ARHGEF10: variants seen among roughly 807,000 people sequenced by gnomAD.
ARHGEF10 encodes Rho guanine nucleotide exchange factor 10.
Under a neutral mutation model 147.4 loss-of-function variants are expected in ARHGEF10, and 140 were observed. That is an observed-to-expected ratio of 0.95 (90% CI 0.83 to 1.09). The LOEUF (loss-of-function observed/expected upper bound fraction) is 1.09. ARHGEF10 is among the 50% of genes least tolerant of loss of function. ARHGEF10 has a pLI of 0.00. For missense variants in ARHGEF10, 2,222 were observed against 1,752.7 expected, an observed-to-expected ratio of 1.27 and a Z score of -4.78; for synonymous variants, 902 against 695.8, an observed-to-expected ratio of 1.30 and a Z score of -4.67.
intron 6 of ARHGEF10, among the ~76,000 whole-genome samples, chr8:1,868,671 G>C (rs918095453): frequency 6.6e-6 from 1 of 152,182 alleles, no homozygotes; most frequent in Non-Finnish European, 1.5e-5. Flanking sequence ...TTTACTTTCA[G>C]TGGCACAAAA....
rs376196351 is a variant in ARHGEF10 at position 1,886,748 on chromosome 8, C to A, written c.1182+1041C>A. On this transcript the variant is annotated intron_variant, in intron 11 of 28. Coordinates refer to ENST00000349830, the MANE Select transcript of ARHGEF10 (RefSeq NM_014629.4). Reference sequence around the variant, plus strand: ...TCATCCTTGCAAATCCCGTTGCCATCCTTGTGTACTCTGTAAGGAAGCCTG... The same window carrying A: ...TCATCCTTGCAAATCCCGTTGCCATACTTGTGTACTCTGTAAGGAAGCCTG... Among the ~76,000 whole-genome samples the A allele has an allele frequency of 9.8e-5, 15 of 152,310 alleles. No homozygotes were observed. In the South Asian group the frequency reaches 1.9e-3, roughly 19 times the overall value.
chr8:1,954,082 G>A (rs975919036), intron 28 of ARHGEF10, among the ~76,000 whole-genome samples: 8 of 152,144 alleles, frequency 5.3e-5, no homozygotes, highest in South Asian at 2.1e-4. Context: ...AACAAAATGC[G>A]AAATGCTCCA....
chr8:1,839,047 G>C (rs956385304), intron 1 of ARHGEF10, among the ~76,000 whole-genome samples: 6 of 152,294 alleles, frequency 3.9e-5, no homozygotes, highest in African/African-American at 1.4e-4. Flanking sequence ...AAGCTGTCTG[G>C]TGTGGAAGCT....
At chr8:1,874,671 G>A (rs1229578185) in intron 7 of ARHGEF10, among the ~76,000 whole-genome samples, 1 of 151,726 alleles carries the variant, frequency 6.6e-6, no homozygotes, top group Admixed American at 6.6e-5. Context: ...GGTGTGTAGG[G>A]GGTAGAGGTT....
intron 19 of ARHGEF10, 47 bp from the exon 20 acceptor site, chr8:1,923,421 C>G (rs749830681): frequency 6.2e-7 from 1 of 1,613,496 alleles, no homozygotes; most frequent in Non-Finnish European, 8.5e-7. Context: ...TGGGATGGCC[C>G]TAGTTTTTAA....
At chr8:1,903,189 T>A (rs752823192) in intron 15 of ARHGEF10, 92 bp from the exon 16 acceptor site, 60 of 1,496,540 alleles carry the variant, frequency 4.0e-5, no homozygotes, top group Non-Finnish European at 5.6e-5. Flanking sequence ...TGCCACTGCC[T>A]CCTTTCCATT....
At chr8:1,950,334 C>T (rs544930090) in intron 27 of ARHGEF10, among the ~76,000 whole-genome samples, 45 of 152,252 alleles carry the variant, frequency 3.0e-4, no homozygotes, top group African/African-American at 1.1e-3. Flanking sequence ...GGAAAATGAC[C>T]GCATGACCTC....
intron 1 of ARHGEF10, among the ~76,000 whole-genome samples, chr8:1,841,980 G>GCGGGAACTGGGGCCGCGA (rs1804110853): frequency 1.3e-4 from 6 of 46,692 alleles, no homozygotes; most frequent in Non-Finnish European, 2.7e-4. Context: ...TGGGGCCGCG[G>GCGGGAACTGGGGCCGCGA]CGGGAACTGG....
chr8:1,913,341 A>G (rs1811519114), intron 18 of ARHGEF10, among the ~76,000 whole-genome samples: 1 of 152,162 alleles, frequency 6.6e-6, no homozygotes, highest in African/African-American at 2.4e-5. Context: ...GTCTCAAGTC[A>G]GTGTACAGGT....
chr8:1,898,162 C>G (rs892546137), intron 14 of ARHGEF10, among the ~76,000 whole-genome samples: 3 of 152,204 alleles, frequency 2.0e-5, no homozygotes, highest in Non-Finnish European at 2.9e-5. Context: ...AGGACAGCCC[C>G]TGGAATCTGC....
rs141078341 is a variant in ARHGEF10 at position 1,933,881 on chromosome 8, C to A, written c.3161C>A (p.Thr1054Lys). ...AGAAGTCTACTCATGATGGAAGACA[C>A]GTTGTGGGCGGCTTCCGGAGGTCAA... ...PVRSLLMMED[T>K]LWAASGGQVF... The change falls in exon 26 of 29, where the codon ACG (threonine) becomes AAG (lysine). Residue 1054 changes from threonine to lysine, a missense_variant. Transcript: ENST00000349830. The A allele has an allele frequency of 6.2e-7, 1 of 1,614,144 alleles. No individual in the cohort carries two copies. The highest frequency in any genetic ancestry group is 1.7e-5 in the Admixed American group (1 of 60,020).
intron 11 of ARHGEF10, among the ~76,000 whole-genome samples, chr8:1,888,041 G>T (rs1356989182): frequency 2.8e-5 from 4 of 140,520 alleles, no homozygotes; most frequent in African/African-American, 8.1e-5. Context: ...TAGGGTGAGG[G>T]TTGTTAGGAG....
At chr8:1,862,117 G>A (rs1806179476) in intron 4 of ARHGEF10, among the ~76,000 whole-genome samples, 1 of 152,246 alleles carries the variant, frequency 6.6e-6, no homozygotes, top group African/African-American at 2.4e-5. Flanking sequence ...CCTCCTTCCT[G>A]GGAGGTGGAA....
chr8:1,943,822 G>A (rs1814303985), intron 26 of ARHGEF10: 2 of 152,134 alleles, frequency 1.3e-5, no homozygotes, highest in African/African-American at 4.8e-5. Context: ...TTACACGGCT[G>A]ACTCTAGAAT....
chr8:1,832,867 GGC>G (rs1463089868), intron 1 of ARHGEF10, among the ~76,000 whole-genome samples: 36 of 107,980 alleles, frequency 3.3e-4, no homozygotes, highest in African/African-American at 5.8e-4. Context: ...CAGAGGCAGA[GGC>G]AGAGACAGAG....
intron 5 of ARHGEF10, among the ~76,000 whole-genome samples, chr8:1,864,742 G>C (rs753101528): frequency 6.6e-6 from 1 of 152,226 alleles, no homozygotes; most frequent in Non-Finnish European, 1.5e-5. Flanking sequence ...CTATCATGAA[G>C]GCGGCCTTTG....
chr8:1,950,898 C>A (rs995534084), intron 27 of ARHGEF10, among the ~76,000 whole-genome samples: 1 of 152,024 alleles, frequency 6.6e-6, no homozygotes, highest in Non-Finnish European at 1.5e-5. Flanking sequence ...TTATTAAATG[C>A]AAGCTTTGGC....
rs952669295 is a variant in ARHGEF10, at chr8:1,948,778, A to G, written c.3397+3123A>G. Among the ~76,000 whole-genome samples, 1 of 152,164 alleles carries G rather than the reference A, an allele frequency of 6.6e-6. No individual in the cohort carries two copies. Among genetic ancestry groups the G allele is most frequent in the Non-Finnish European group, 1.5e-5 (1 of 68,042 alleles). On this transcript the variant is annotated intron_variant, in intron 27 of 28. Transcript: ENST00000349830. The surrounding 1 kb of genome is among the most constrained non-coding windows in gnomAD (Gnocchi z 4.9). ...TTTCAGCTAATATTTCATATATTTC[A>G]TAGAAATAAGCATTATTGCATTTCA... is the stretch of plus-strand genomic sequence containing the variant.
intron 18 of ARHGEF10, among the ~76,000 whole-genome samples, chr8:1,921,415 C>T (rs1379717190): frequency 6.6e-6 from 1 of 152,184 alleles, no homozygotes; most frequent in African/African-American, 2.4e-5. Flanking sequence ...AGAGTCCTTT[C>T]CTCAAAATTA....
Sources: gnomAD v4.1 joint callset for allele counts (sites outside exome capture counted in the v4.1 genomes callset) on GRCh38, gnomAD v4.1.1 for gene constraint, Gnocchi (gnomAD v3.1) non-coding constraint, MANE v1.5 for transcripts, NCBI Gene and HGNC (gene_info 2026-07-23, HGNC 2026-07-21) for gene names.